WDR27: variants seen among roughly 807,000 people sequenced by gnomAD.
WDR27 encodes the protein WD repeat domain 27, also known as WD repeat-containing protein 27.
A neutral mutation model predicts 114.4 loss-of-function variants in WDR27; 100 were observed. That is an observed-to-expected ratio of 0.87 (90% CI 0.74 to 1.03). The LOEUF is 1.03. WDR27 is among the 50% of genes least tolerant of loss of function. The probability of loss-of-function intolerance (pLI) is 0.00; values close to 1 mark genes in which losing one functional copy is unlikely to be tolerated. For missense variants in WDR27, 1,129 were observed against 1,092.9 expected (o/e 1.03, Z -0.47); for synonymous variants, 449 against 423.1 (o/e 1.06, Z -0.75).
chr6:169,481,217 C>G (rs868052082), intron 25 of WDR27, among the ~76,000 whole-genome samples: 1 of 144,970 alleles, frequency 6.9e-6, no homozygotes, highest in African/African-American at 2.6e-5. Flanking sequence ...TATGTCTAGC[C>G]AGAGGATTGT....
chr6:169,562,699 G>A (rs1210797098), intron 25 of WDR27, among the ~76,000 whole-genome samples: 1 of 152,218 alleles, frequency 6.6e-6, no homozygotes, highest in Admixed American at 6.5e-5. Context: ...GCATCACAGT[G>A]AGACCAGTGG....
intron 1 of WDR27, among the ~76,000 whole-genome samples, chr6:169,692,102 C>T (rs1376362531): frequency 6.6e-6 from 1 of 152,166 alleles, no homozygotes; most frequent in Non-Finnish European, 1.5e-5. Flanking sequence ...ATCTAAAAAT[C>T]AATATCACAG....
At chr6:169,458,003 AG>A (rs1195899706) in intron 25 of WDR27, among the ~76,000 whole-genome samples, 2 of 151,392 alleles carry the variant, frequency 1.3e-5, no homozygotes, top group Non-Finnish European at 3.0e-5. Context: ...GAGGAGGAGG[AG>A]GAGGTGGTGG....
chr6:169,564,671 C>T (rs1800169039), intron 25 of WDR27, among the ~76,000 whole-genome samples: 1 of 151,294 alleles, frequency 6.6e-6, no homozygotes. Context: ...CCACTCAGCA[C>T]CTGGACAGAG....
At chr6:169,608,577 A>G (rs1375126431) in intron 22 of WDR27, among the ~76,000 whole-genome samples, 1 of 152,188 alleles carries the variant, frequency 6.6e-6, no homozygotes, top group African/African-American at 2.4e-5. Flanking sequence ...CACTACCACA[A>G]GAACAGTATG....
At chr6:169,442,689 T>C in the WDR27 span, among the ~76,000 whole-genome samples, 2 of 151,844 alleles carry the variant, frequency 1.3e-5, no homozygotes, top group African/African-American at 4.8e-5. Flanking sequence ...GGCCCAGGAG[T>C]GGGCACATAA....
intron 14 of WDR27, among the ~76,000 whole-genome samples, chr6:169,649,580 C>A (rs1428944615): frequency 6.6e-6 from 1 of 151,974 alleles, no homozygotes; most frequent in African/African-American, 2.4e-5. Context: ...TCAGGGCCAC[C>A]AATGTCTATC....
At chr6:169,519,405 G>A (rs1396692129) in intron 25 of WDR27, among the ~76,000 whole-genome samples, 7 of 152,214 alleles carry the variant, frequency 4.6e-5, no homozygotes, top group Non-Finnish European at 1.0e-4. Context: ...TATACAGGAA[G>A]CATGGCACTA....
intron 2 of WDR27, among the ~76,000 whole-genome samples, chr6:169,679,619 A>G (rs1166187819): frequency 1.3e-5 from 2 of 152,148 alleles, no homozygotes; most frequent in African/African-American, 4.8e-5. Flanking sequence ...CCTCCTGACC[A>G]CTTGTTCCTG....
chr6:169,585,058 G>A (rs1804277189), intron 23 of WDR27, among the ~76,000 whole-genome samples: 1 of 152,144 alleles, frequency 6.6e-6, no homozygotes, highest in Non-Finnish European at 1.5e-5. Context: ...ACACAATGAG[G>A]AAAGGATAAT....
chr6:169,580,780 G>A (rs2128138324), intron 24 of WDR27, among the ~76,000 whole-genome samples: 1 of 151,898 alleles, frequency 6.6e-6, no homozygotes, highest in East Asian at 1.9e-4. Flanking sequence ...CCAGTTGTTT[G>A]ATTTATAATG....
downstream of WDR27, among the ~76,000 whole-genome samples, chr6:169,455,742 TAGAA>T (rs946994756): frequency 6.6e-6 from 1 of 152,224 alleles, no homozygotes; most frequent in Admixed American, 6.5e-5. Context: ...GCTGTCTTCC[TAGAA>T]AGTCTTCATG....
chr6:169,586,901 A>T (rs920586720), intron 23 of WDR27, among the ~76,000 whole-genome samples: 128 of 146,488 alleles, frequency 8.7e-4, no homozygotes, highest in Middle Eastern at 3.7e-3. Flanking sequence ...CTTCAGGGAC[A>T]AAGTATCAAT....
At chr6:169,462,725 A>G (rs971916894) in intron 25 of WDR27, among the ~76,000 whole-genome samples, 2 of 152,236 alleles carry the variant, frequency 1.3e-5, no homozygotes, top group Non-Finnish European at 2.9e-5. Context: ...ACAAAATACT[A>G]GCAAATGGAA....
At chr6:169,614,765 C>T (rs1386071387) in intron 21 of WDR27, among the ~76,000 whole-genome samples, 1 of 151,824 alleles carries the variant, frequency 6.6e-6, no homozygotes, top group Non-Finnish European at 1.5e-5. Context: ...ATAATTCACA[C>T]TAATAATTGA....
chr6:169,589,508 C>T (rs1805291562), intron 23 of WDR27, among the ~76,000 whole-genome samples: 1 of 152,134 alleles, frequency 6.6e-6, no homozygotes, highest in Non-Finnish European at 1.5e-5. Context: ...AATACAGTGG[C>T]AGGAGGTGAG....
chr6:169,510,657 G>A (rs7738715), intron 25 of WDR27, among the ~76,000 whole-genome samples: 53,569 of 146,642 alleles, frequency 0.37, 10,992 homozygotes, highest in African/African-American at 0.55. Context: ...GGGAAGGATA[G>A]CATTAGGAGA....
chr6:169,440,977 G>GTT, the WDR27 span, among the ~76,000 whole-genome samples: 1 of 151,258 alleles, frequency 6.6e-6, no homozygotes, highest in South Asian at 2.1e-4. Flanking sequence ...TTGTTGCTGG[G>GTT]TTTTTTTTTC....
intron 22 of WDR27, among the ~76,000 whole-genome samples, chr6:169,608,178 C>T (rs1231523206): frequency 6.6e-6 from 1 of 152,152 alleles, no homozygotes; most frequent in Non-Finnish European, 1.5e-5. Context: ...AGATTTCTTA[C>T]AGCACTAAAA....
Sources: allele counts gnomAD v4.1 joint callset (sites outside exome capture counted in the v4.1 genomes callset), GRCh38; gene constraint gnomAD v4.1.1; transcripts MANE v1.5; gene names NCBI Gene and HGNC (gene_info 2026-07-23, HGNC 2026-07-21).